The following FRMD8 variants were observed in gnomAD, a reference collection of about 807,000 sequenced individuals.
FRMD8 encodes FERM domain-containing protein 8.
Under a neutral mutation model 54.2 loss-of-function variants are expected in FRMD8, and 37 were observed. The ratio of observed to expected loss-of-function variants is 0.68; its 90% CI spans 0.53 to 0.90. FRMD8 has a LOEUF of 0.90. Ranked by LOEUF, FRMD8 falls within the 40% of genes least tolerant of loss-of-function variation. The pLI, the probability that FRMD8 is intolerant of heterozygous loss-of-function variation, is 0.00. For missense variants in FRMD8, 585 were observed against 653.7 expected (o/e 0.89, Z 1.15); for synonymous variants, 246 against 286.9 (o/e 0.86, Z 1.44).
chr11:65,374,607 T>C, the FRMD8 span, among the ~76,000 whole-genome samples: 12 of 152,160 alleles, frequency 7.9e-5, no homozygotes, highest in African/African-American at 2.7e-4. Context: ...CAAATGGCCC[T>C]TGATGCTCAA....
chr11:65,371,648 T>C, the FRMD8 span, among the ~76,000 whole-genome samples: 12 of 152,362 alleles, frequency 7.9e-5, no homozygotes, highest in African/African-American at 2.9e-4. Context: ...GAAGTCTCGC[T>C]CTGTCATCCA....
At chr11:65,372,043 T>C in the FRMD8 span, among the ~76,000 whole-genome samples, 1 of 152,016 alleles carries the variant, frequency 6.6e-6, no homozygotes, top group Non-Finnish European at 1.5e-5. Flanking sequence ...TCCTTAGTAG[T>C]TGGGATTACA....
rs748724175 is a variant in FRMD8 at position 65,394,247 on chromosome 11, A to AC, written c.415-6dup. The AC allele has an allele frequency of 2.3e-5, 36 of 1,597,422 alleles. No homozygotes were observed. The highest frequency in any genetic ancestry group is 2.9e-5 in the Non-Finnish European group (34 of 1,172,588). On this transcript the variant is annotated splice_polypyrimidine_tract_variant and intron_variant, in intron 5 of 10. Coordinates refer to ENST00000317568, the MANE Select transcript of FRMD8 (RefSeq NM_031904.5). ...CCAGCTGAGCGGCTGTCCCTGCCACACCCCCCTGCAGATCCATGACGAGGA... is the reference window on the plus strand; with the variant it reads ...CCAGCTGAGCGGCTGTCCCTGCCACACCCCCCCTGCAGATCCATGACGAGGA...
intron 10 of FRMD8, 127 bp from the exon 11 acceptor site, chr11:65,411,115 G>A (rs1856319656): frequency 1.5e-6 from 1 of 678,106 alleles, no homozygotes; most frequent in Non-Finnish European, 2.5e-6. Flanking sequence ...CTCGGATGAG[G>A]GGAGCTCAGT....
At chr11:65,375,202 C>T in the FRMD8 span, 3 of 152,218 alleles carry the variant, frequency 2.0e-5, no homozygotes, top group African/African-American at 4.8e-5. Flanking sequence ...CATCATTTAA[C>T]GAGCATTTAT....
chr11:65,387,005 C>T, intron 1 of FRMD8, 32 bp from the exon 2 acceptor site: 3 of 1,588,452 alleles, frequency 1.9e-6, no homozygotes, highest in Non-Finnish European at 2.6e-6. Flanking sequence ...TCCCTGGCTC[C>T]CGGTAACTGC....
At chr11:65,369,892 T>C in the FRMD8 span, among the ~76,000 whole-genome samples, 1 of 150,542 alleles carries the variant, frequency 6.6e-6, no homozygotes, top group Non-Finnish European at 1.5e-5. Flanking sequence ...ATGAGCCGGG[T>C]ATGGTGGCAC....
At chr11:65,376,050 A>G in the FRMD8 span, 1 of 243,874 alleles carries the variant, frequency 4.1e-6, no homozygotes, top group Non-Finnish European at 7.8e-6. Flanking sequence ...AGCCTGGGTG[A>G]CAGAGAAAGA....
At chr11:65,402,840 C>CTT (rs1409131845) in intron 9 of FRMD8, among the ~76,000 whole-genome samples, 2 of 151,468 alleles carry the variant, frequency 1.3e-5, no homozygotes, top group Admixed American at 6.6e-5. Context: ...TTTGGTGCTA[C>CTT]TGTAAATGGC....
At chr11:65,407,624 C>T (rs1323554970) in intron 10 of FRMD8, among the ~76,000 whole-genome samples, 1 of 151,596 alleles carries the variant, frequency 6.6e-6, no homozygotes, top group Non-Finnish European at 1.5e-5. Context: ...GGCGTGGTGG[C>T]TCACGCCTGT....
At chr11:65,388,097 G>A (rs1855768877) in intron 2 of FRMD8, among the ~76,000 whole-genome samples, 1 of 151,870 alleles carries the variant, frequency 6.6e-6, no homozygotes, top group South Asian at 2.1e-4. Flanking sequence ...CTGAGAGGCG[G>A]AGGTTGCGGT....
At chr11:65,401,523 C>CGA (rs1856081433) in intron 9 of FRMD8, among the ~76,000 whole-genome samples, 1 of 150,732 alleles carries the variant, frequency 6.6e-6, no homozygotes, top group Non-Finnish European at 1.5e-5. Context: ...CACACCTCTC[C>CGA]GGCTTCCTTT....
chr11:65,383,774 CAAACAAACAAAA>C (rs1855680896), upstream of FRMD8: 1 of 111,228 alleles, frequency 9.0e-6, no homozygotes, highest in African/African-American at 4.6e-5. Flanking sequence ...AAAAAACAAA[CAAACAAACAAAA>C]AAAAAACCCT....
In FRMD8 at chr11:65,400,501, T is replaced by C. The variant is rs1239251027; in HGVS notation, c.928-223T>C. On this transcript the variant is annotated intron_variant, in intron 8 of 10. Coordinates refer to ENST00000317568, the MANE Select transcript of FRMD8 (RefSeq NM_031904.5). The surrounding 1 kb of genome is among the most constrained non-coding windows in gnomAD (Gnocchi z 4.3). ...CTCCCCCGCTGTCAGGGGCTTGGCC[T>C]GCTGGTGGGACTGTTGTGGGAGAGG... Among the ~76,000 whole-genome samples the C allele has an allele frequency of 6.6e-6, 1 of 152,184 alleles. No homozygotes were observed. Among genetic ancestry groups the C allele is most frequent in the Non-Finnish European group, 1.5e-5 (1 of 68,018 alleles).
At chr11:65,381,788 G>T (rs574126096), upstream of FRMD8, 352 of 1,189,586 alleles carry the variant, frequency 3.0e-4, 1 homozygote, top group Middle Eastern at 1.8e-3. Context: ...AAACTCCTGG[G>T]CTCAAGTGAT....
chr11:65,377,036 A>G, the FRMD8 span: 32 of 1,613,868 alleles, frequency 2.0e-5, no homozygotes, highest in Non-Finnish European at 2.5e-5. Context: ...CTGGTTTTGT[A>G]GCCGGACTTT....
Position 65,389,514 on chromosome 11 carries a change from T to A in FRMD8, c.239T>A (p.Val80Asp), listed in dbSNP as rs1415962766. 1.9e-6 allele frequency: 3 copies of A among 1,590,564 alleles called. No individual in the cohort carries two copies. The Admixed American group carries it at 5.2e-5, about 28-fold the overall frequency. The change falls in exon 3 of 11, where the codon GTC becomes GAC. Residue 80 changes from valine to aspartate, a missense_variant. Val to Asp is a radical substitution (Grantham distance 152). Transcript: ENST00000317568. ...CTGGATGTCTTCGCGCTCTGGCTGG[T>A]CTCCCCTCTGCTGGGTAAGGCTTGG... Reference protein sequence around the residue: ...IALDVFALWLVSPLLEVQLKP... With the variant: ...IALDVFALWLDSPLLEVQLKP...
At chr11:65,374,962 G>A in the FRMD8 span, among the ~76,000 whole-genome samples, 9 of 131,930 alleles carry the variant, frequency 6.8e-5, no homozygotes, top group Non-Finnish European at 1.0e-4. Flanking sequence ...GTGAGACTCT[G>A]TATCTAATAA....
rs73484350 is a variant in FRMD8 at position 65,390,414 on chromosome 11, G to A, written c.253+886G>A. On this transcript the variant is annotated intron_variant, in intron 3 of 10. Transcript: ENST00000317568. Reference sequence around the variant, plus strand: ...ATAGAGGAATGCAGGCAAGAAGAGGGTGACCAGTCCCATTGAGGGAGTGCG... The same window carrying A: ...ATAGAGGAATGCAGGCAAGAAGAGGATGACCAGTCCCATTGAGGGAGTGCG... Among the ~76,000 whole-genome samples the A allele has an allele frequency of 2.9e-3, 447 of 152,286 alleles. 2 individuals carry two copies. Among genetic ancestry groups the A allele is most frequent in the African/African-American group, 0.01 (428 of 41,548 alleles).
Sources: gnomAD v4.1 joint callset for allele counts (sites outside exome capture counted in the v4.1 genomes callset) on GRCh38, gnomAD v4.1.1 for gene constraint, Gnocchi (gnomAD v3.1) non-coding constraint, MANE v1.5 for transcripts, NCBI Gene and HGNC (gene_info 2026-07-23, HGNC 2026-07-21) for gene names.